LRRC73: variants seen among roughly 807,000 people sequenced by gnomAD.
LRRC73 encodes the protein leucine rich repeat containing 73.
Under a neutral mutation model 26.4 loss-of-function variants are expected in LRRC73, and 16 were observed. That is an observed-to-expected ratio of 0.61 (90% CI 0.41 to 0.92). The LOEUF (loss-of-function observed/expected upper bound fraction) is 0.92. Ranked by LOEUF, LRRC73 falls within the 40% of genes least tolerant of loss-of-function variation. The pLI, the probability that LRRC73 is intolerant of heterozygous loss-of-function variation, is 0.00. For missense variants in LRRC73, 344 were observed against 416.3 expected, an observed-to-expected ratio of 0.83 and a Z score of 1.51; for synonymous variants, 210 against 179.8, an observed-to-expected ratio of 1.17 and a Z score of -1.34.
Position 43,509,620 on chromosome 6 carries a change from T to C in LRRC73, c.166A>G (p.Thr56Ala). The C allele has an allele frequency of 6.2e-7, 1 of 1,605,154 alleles. No homozygotes were observed. Among genetic ancestry groups the C allele is most frequent in the Non-Finnish European group, 8.5e-7 (1 of 1,177,400 alleles). The change falls in exon 1 of 6, where the codon ACG becomes GCG. Residue 56 changes from threonine to alanine, a missense_variant. Coordinates refer to ENST00000372441, the Ensembl canonical transcript of LRRC73. ...TTAAGGTTGAGCTGCGCCAGGGACGTGGCCCCGGCCAGGGCCCGGCAGATG... is the reference window on the plus strand; with the variant it reads ...TTAAGGTTGAGCTGCGCCAGGGACGCGGCCCCGGCCAGGGCCCGGCAGATG...
At chr6:43,509,372 G>T in intron 1 of LRRC73, 142 bp downstream of exon 1, 1 of 1,087,730 alleles carries the variant, frequency 9.2e-7, no homozygotes, top group Middle Eastern at 3.1e-4. Flanking sequence ...TGCTGTGAAG[G>T]CATGGGCCGA....
intron 5 of LRRC73, 67 bp from the exon 6 acceptor site, chr6:43,507,375 G>C (rs1792524754): frequency 1.2e-6 from 2 of 1,608,934 alleles, no homozygotes; most frequent in East Asian, 2.2e-5. Flanking sequence ...AGATAGGTGA[G>C]AGCCTAGGTT....
At chr6:43,509,480 T>A in intron 1 of LRRC73, 34 bp downstream of exon 1, 1 of 1,580,160 alleles carries the variant, frequency 6.3e-7, no homozygotes, top group Non-Finnish European at 8.6e-7. Context: ...AAGGGTGCAG[T>A]GCCCGGGACC....
Position 43,508,364 on chromosome 6 carries a change from G to A in LRRC73, c.490C>T (p.Arg164Cys), listed in dbSNP as rs1313650958. 6 of 1,613,590 alleles carry A rather than the reference G, an allele frequency of 3.7e-6. No homozygotes were observed. In the African/African-American group the frequency reaches 5.3e-5, roughly 14 times the overall value. ...CTGTGGGCCACGGCAATGGCAAGGC[G>A]GCTCCAGCCCTTAGGGGTGATGCCA... The change falls in exon 3 of 6, where the codon CGC becomes TGC. Residue 164 changes from arginine to cysteine, a missense_variant. Arg to Cys is a radical substitution (Grantham distance 180). Transcript: ENST00000372441.
chr6:43,509,063 T>A, intron 1 of LRRC73, 143 bp from the exon 2 acceptor site: 1 of 865,226 alleles, frequency 1.2e-6, no homozygotes. Context: ...AGGAAAGTTC[T>A]AGATTCTCAG....
intron 5 of LRRC73, 60 bp from the exon 6 acceptor site, chr6:43,507,368 T>C: frequency 6.2e-7 from 1 of 1,609,668 alleles, no homozygotes; most frequent in Non-Finnish European, 8.5e-7. Flanking sequence ...GGACCACAGA[T>C]AGGTGAGAGC....
At chr6:43,510,109 G>A (rs1026854133) in exon 1 of LRRC73, 12 of 210,532 alleles carry the variant, frequency 5.7e-5, no homozygotes, top group Non-Finnish European at 8.4e-5. Flanking sequence ...CGCGTTCCGG[G>A]GGTTGGGCAG....
rs1375855008 is a variant in LRRC73, at chr6:43,510,015, T to C, written c.-230A>G. 8 of 311,472 alleles carry C rather than the reference T, an allele frequency of 2.6e-5. No homozygotes were observed. In the Admixed American group the frequency reaches 3.6e-4, roughly 14 times the overall value. 19.3% of individuals were successfully genotyped at this position (311,472 alleles called of 1,614,324 possible). A position where few individuals can be genotyped will look rare whatever the true frequency, so the allele number is the denominator to read the frequency against. On this transcript the variant is annotated 5_prime_UTR_variant, in exon 1 of 6. Coordinates refer to ENST00000372441, the Ensembl canonical transcript of LRRC73. ...GGAGCCGGCCAGAGGTGCGGAGGCG[T>C]CCAGGGCGCGGGCCGGGCTGAAGTG... is the stretch of plus-strand genomic sequence containing the variant.
exon 1 of LRRC73, chr6:43,509,805 C>G (rs1454742520): frequency 6.7e-7 from 1 of 1,500,088 alleles, no homozygotes; most frequent in Non-Finnish European, 8.8e-7. Context: ...GGCTGGGCCT[C>G]CGGGTACGGG....
chr6:43,509,780 C>A, exon 1 of LRRC73: 2 of 1,544,020 alleles, frequency 1.3e-6, no homozygotes. Flanking sequence ...TGGAGCTGGG[C>A]AGCATCGTGC....
exon 1 of LRRC73, chr6:43,509,835 G>C: frequency 7.1e-7 from 1 of 1,414,570 alleles, no homozygotes; most frequent in Non-Finnish European, 9.2e-7. Flanking sequence ...GAGGTTGGTG[G>C]GGCCGCGGGC....
chr6:43,509,574 G>A, exon 1 of LRRC73: 1 of 1,609,618 alleles, frequency 6.2e-7, no homozygotes, highest in South Asian at 1.1e-5. Flanking sequence ...GATGCGGCTG[G>A]GGCTGGACAC....
chr6:43,509,968 G>T, exon 1 of LRRC73: 1 of 416,706 alleles, frequency 2.4e-6, no homozygotes, highest in South Asian at 1.0e-4. Context: ...CGGGGGCGGA[G>T]AAGAGCTACC....
intron 5 of LRRC73, 22 bp from the exon 6 acceptor site, chr6:43,507,330 T>A (rs781203474): frequency 1.1e-5 from 18 of 1,613,580 alleles, no homozygotes; most frequent in Non-Finnish European, 1.3e-5. Flanking sequence ...CAGAGAAGTG[T>A]TCAGACCACC....
exon 6 of LRRC73, chr6:43,507,128 C>A: frequency 8.7e-7 from 1 of 1,143,280 alleles, no homozygotes; most frequent in Admixed American, 2.1e-5. Context: ...AGCCCCCATG[C>A]AGCCCCTGAC....
At position 43,507,932 on chromosome 6, in the gene LRRC73, G is replaced by T; in HGVS notation, c.557-6C>A. 1 of 1,612,966 alleles carries T rather than the reference G, an allele frequency of 6.2e-7. No individual in the cohort carries two copies. ...CATTCCTGCCACATGGTCACCTGGG[G>T]AGACAACACACGTGCACACATTCAT... On this transcript the variant is annotated splice_region_variant and splice_polypyrimidine_tract_variant and intron_variant, in intron 3 of 5. Transcript: ENST00000372441.
chr6:43,508,641 G>C (rs1254701129), intron 2 of LRRC73, 119 bp downstream of exon 2: 16 of 1,440,056 alleles, frequency 1.1e-5, no homozygotes, highest in Non-Finnish European at 1.5e-5. Context: ...CTTCCTGAGA[G>C]GAGTAGAAAG....
chr6:43,509,742 C>A, exon 1 of LRRC73: 1 of 1,587,102 alleles, frequency 6.3e-7, no homozygotes, highest in Non-Finnish European at 8.5e-7. Flanking sequence ...CACCTCGGCG[C>A]CGGACAGCGG....
chr6:43,508,631 C>G, intron 2 of LRRC73, 129 bp downstream of exon 2: 1 of 1,434,942 alleles, frequency 7.0e-7, no homozygotes, highest in Non-Finnish European at 9.5e-7. Flanking sequence ...CGTCCTGCCC[C>G]TTCCTGAGAG....
Sources: allele counts gnomAD v4.1 joint callset, GRCh38; gene constraint gnomAD v4.1.1; transcripts MANE v1.5; gene names NCBI Gene and HGNC (gene_info 2026-07-23, HGNC 2026-07-21).